The following ZNF655 variants were observed in gnomAD, a reference collection of about 807,000 sequenced individuals.
ZNF655 encodes zinc finger protein 655.
In ZNF655, 3 loss-of-function variants were observed where a neutral mutation model predicts 6.6. The observed-to-expected ratio is 0.46, with a 90% CI of 0.21 to 1.18. ZNF655 has a LOEUF of 1.18. Among genes scored for constraint, ZNF655 ranks in the 50% most tolerant of loss-of-function variants. The probability of loss-of-function intolerance (pLI) is 0.24; values close to 1 mark genes in which losing one functional copy is unlikely to be tolerated. For synonymous variants in ZNF655, 178 were observed against 195.0 expected (o/e 0.91, Z 0.73); for missense variants, 526 against 572.3 (o/e 0.92, Z 0.83).
chr7:99,562,338 C>T (rs762414858), intron 2 of ZNF655: 3 of 1,612,358 alleles, frequency 1.9e-6, no homozygotes, highest in Admixed American at 1.7e-5. Context: ...TGTTCTCATT[C>T]CTCAGAGCAG....
Position 99,560,541 on chromosome 7 carries a change from A to G in ZNF655, c.-19A>G, listed in dbSNP as rs373436213. On this transcript the variant is annotated 5_prime_UTR_variant, in exon 2 of 3. Transcript: ENST00000252713. Reference sequence around the variant, plus strand: ...TTAATCTTACCTTGCAGTGATGGTCATTGTCCTCCAGAGCAGTGATGGAGG... The same window carrying G: ...TTAATCTTACCTTGCAGTGATGGTCGTTGTCCTCCAGAGCAGTGATGGAGG... 111 of 1,611,790 alleles carry G rather than the reference A, an allele frequency of 6.9e-5. No homozygotes were observed. The highest frequency in any genetic ancestry group is 9.2e-5 in the Non-Finnish European group (109 of 1,178,526).
intron 2 of ZNF655, 116 bp from the exon 3 acceptor site, chr7:99,572,129 A>T: frequency 8.6e-7 from 1 of 1,165,212 alleles, no homozygotes; most frequent in South Asian, 1.8e-5. Context: ...TTCAGAGTAA[A>T]TAAACTTTTC....
At chr7:99,558,967 G>A (rs2151137993) in intron 1 of ZNF655, 180 bp downstream of exon 1, 1 of 152,362 alleles carries the variant, frequency 6.6e-6, no homozygotes, top group East Asian at 1.9e-4. Flanking sequence ...TCACCTCGCG[G>A]ACCGAGGGCC....
chr7:99,564,217 C>A (rs944285967), intron 2 of ZNF655: 4 of 1,364,412 alleles, frequency 2.9e-6, no homozygotes, highest in South Asian at 3.8e-5. Context: ...CATTCAGAAA[C>A]CATGGTTGGT....
intron 2 of ZNF655, among the ~76,000 whole-genome samples, chr7:99,566,266 G>A (rs1803625984): frequency 6.6e-6 from 1 of 152,032 alleles, no homozygotes; most frequent in African/African-American, 2.4e-5. Flanking sequence ...AACTACACAT[G>A]GAGTTTTTAA....
chr7:99,558,897 C>T (rs6947826), intron 1 of ZNF655, 110 bp downstream of exon 1: 19,938 of 152,328 alleles, frequency 0.13, 1,769 homozygotes, highest in African/African-American at 0.24. Flanking sequence ...GTTCGCTTCC[C>T]CGAGAGTGCG....
At position 99,574,670 on chromosome 7, in the gene ZNF655, A is replaced by C. The variant is rs1398718628; in HGVS notation, c.*1086A>C. ...GATACTGCTAATGCACCAGTATTAAAACACATCGACGTAAGTAGCTCATTT... is the reference window on the plus strand; with the variant it reads ...GATACTGCTAATGCACCAGTATTAACACACATCGACGTAAGTAGCTCATTT... On this transcript the variant is annotated 3_prime_UTR_variant, in exon 3 of 3. Transcript: ENST00000252713. 1.3e-5 allele frequency: 2 copies of C among 152,232 alleles called. No homozygotes were observed. The highest frequency in any genetic ancestry group is 1.3e-4 in the Admixed American group (2 of 15,290). 9.4% of individuals were successfully genotyped at this position (152,232 alleles called of 1,614,324 possible).
intron 2 of ZNF655, chr7:99,562,044 C>T (rs990895651): frequency 4.5e-6 from 6 of 1,333,692 alleles, no homozygotes; most frequent in Non-Finnish European, 6.0e-6. Context: ...CTCTCTCATC[C>T]CATCTGTAGA....
At chr7:99,563,248 T>A in intron 2 of ZNF655, 1 of 437,672 alleles carries the variant, frequency 2.3e-6, no homozygotes, top group Admixed American at 2.4e-5. Flanking sequence ...CAGTGGGGTT[T>A]GTCGGCAGCT....
chr7:99,571,609 A>T (rs905643281), intron 2 of ZNF655: 1 of 1,162,296 alleles, frequency 8.6e-7, no homozygotes, highest in Non-Finnish European at 1.2e-6. Context: ...GTCTCTCTTA[A>T]TCATTAGTTA....
At chr7:99,564,824 C>T (rs1803498073) in intron 2 of ZNF655, 1 of 492,454 alleles carries the variant, frequency 2.0e-6, no homozygotes, top group South Asian at 8.7e-5. Flanking sequence ...GCACACTCGA[C>T]ATGCAGTCGA....
At position 99,573,602 on chromosome 7, in the gene ZNF655, AG is replaced by A. The variant is rs763617776; in HGVS notation, c.*19del. 6.3e-7 allele frequency: 1 copy of A among 1,585,398 alleles called. No homozygotes were observed. Among genetic ancestry groups the A allele is most frequent in the African/African-American group, 1.3e-5 (1 of 74,310 alleles). ...ACTCATGAATGTAATGAAGATGGGA[AG>A]ATATTTATCAAATTCAGGCTTCATT... On this transcript the variant is annotated 3_prime_UTR_variant, in exon 3 of 3. Transcript: ENST00000252713.
intron 2 of ZNF655, among the ~76,000 whole-genome samples, chr7:99,565,457 A>G (rs1803549989): frequency 6.6e-6 from 1 of 152,206 alleles, no homozygotes; most frequent in Non-Finnish European, 1.5e-5. Flanking sequence ...GTTGTGAGCC[A>G]CTGCGCCTGG....
intron 2 of ZNF655, among the ~76,000 whole-genome samples, chr7:99,571,972 C>T (rs1185335429): frequency 6.6e-6 from 1 of 152,152 alleles, no homozygotes; most frequent in African/African-American, 2.4e-5. Context: ...GTGCACATGT[C>T]GTACTAGACC....
chr7:99,571,607 T>C (rs1456301669), intron 2 of ZNF655: 1 of 1,153,324 alleles, frequency 8.7e-7, no homozygotes, highest in Non-Finnish European at 1.2e-6. Flanking sequence ...CTGTCTCTCT[T>C]AATCATTAGT....
rs373957557 is a variant in ZNF655, at chr7:99,576,227, T to C, written c.*2643T>C. ...GGTAGGAATCTAAATGAAATTGATA[T>C]ATAAATGAATTGATCTAAATGTAAA... On this transcript the variant is annotated 3_prime_UTR_variant, in exon 3 of 3. Coordinates refer to ENST00000252713, the MANE Select transcript of ZNF655 (RefSeq NM_138494.3). 13 of 152,676 alleles carry C rather than the reference T, an allele frequency of 8.5e-5. No homozygotes were observed. Among genetic ancestry groups the C allele is most frequent in the East Asian group, 3.8e-4 (2 of 5,200 alleles). 9.5% of individuals were successfully genotyped at this position (152,676 alleles called of 1,614,324 possible).
In ZNF655 at chr7:99,560,451, G is replaced by C. The variant is rs2151143217; in HGVS notation, c.-27-82G>C. 3.7e-6 allele frequency: 5 copies of C among 1,366,368 alleles called. No individual in the cohort carries two copies. The East Asian group carries it at 7.3e-5, about 20-fold the overall frequency. The allele number at this position is 1,366,368 out of a possible 1,614,324, so 84.6% of individuals were successfully genotyped here. On this transcript the variant is annotated intron_variant, in intron 1 of 2. Transcript: ENST00000252713. ...TTTATTGAATATCCATAGTGTGTAA[G>C]ATCCTTTGCAAAGTCCTGACGATAT...
At chr7:99,571,131 ATGC>A in intron 2 of ZNF655, 1 of 843,210 alleles carries the variant, frequency 1.2e-6, no homozygotes, top group South Asian at 1.7e-5. Flanking sequence ...TGTTGAATAA[ATGC>A]TACACTCCTA....
rs1804386225 is a variant in ZNF655 at position 99,576,202 on chromosome 7, G to T, written c.*2618G>T. On this transcript the variant is annotated 3_prime_UTR_variant, in exon 3 of 3. Transcript: ENST00000252713. ...CAAGAGTAGGATTTCATCAAGGCAAGGTAGGAATCTAAATGAAATTGATAT... is the reference window on the plus strand; with the variant it reads ...CAAGAGTAGGATTTCATCAAGGCAATGTAGGAATCTAAATGAAATTGATAT... The T allele has an allele frequency of 6.6e-6, 1 of 152,576 alleles. No homozygotes were observed. Among genetic ancestry groups the T allele is most frequent in the African/African-American group, 2.4e-5 (1 of 41,424 alleles). 9.5% of individuals were successfully genotyped at this position (152,576 alleles called of 1,614,324 possible).
Sources: gnomAD v4.1 joint callset for allele counts (sites outside exome capture counted in the v4.1 genomes callset) on GRCh38, gnomAD v4.1.1 for gene constraint, MANE v1.5 for transcripts, NCBI Gene and HGNC (gene_info 2026-07-23, HGNC 2026-07-21) for gene names.